PDSS2: variants seen among roughly 807,000 people sequenced by gnomAD.
PDSS2 encodes all trans-polyprenyl-diphosphate synthase PDSS2.
A neutral mutation model predicts 44.5 loss-of-function variants in PDSS2; 31 were observed. The observed-to-expected ratio is 0.70, with a 90% CI of 0.52 to 0.94. The LOEUF (loss-of-function observed/expected upper bound fraction) is 0.94. PDSS2 is among the 40% of genes least tolerant of loss of function. PDSS2 has a pLI of 0.00. For missense variants in PDSS2, 452 were observed against 482.2 expected (o/e 0.94, Z 0.59); for synonymous variants, 157 against 180.3 (o/e 0.87, Z 1.03).
chr6:107,455,854 G>A (rs1782025128), intron 1 of PDSS2, among the ~76,000 whole-genome samples: 1 of 150,438 alleles, frequency 6.6e-6, no homozygotes, highest in Non-Finnish European at 1.5e-5. Flanking sequence ...GTTTATGAGA[G>A]TATAAACTGG....
At chr6:107,359,352 G>A (rs933344318) in intron 1 of PDSS2, among the ~76,000 whole-genome samples, 4 of 151,954 alleles carry the variant, frequency 2.6e-5, no homozygotes, top group Non-Finnish European at 4.4e-5. Context: ...GCCAGGAGCA[G>A]TGTCTCATGC....
At chr6:107,412,195 T>C (rs1780523053) in intron 1 of PDSS2, among the ~76,000 whole-genome samples, 1 of 149,370 alleles carries the variant, frequency 6.7e-6, no homozygotes, top group African/African-American at 2.5e-5. Flanking sequence ...GCAACTGTAC[T>C]TCTTTTTCTG....
intron 3 of PDSS2, among the ~76,000 whole-genome samples, chr6:107,269,798 C>G (rs191686800): frequency 6.6e-6 from 1 of 152,194 alleles, no homozygotes; most frequent in Non-Finnish European, 1.5e-5. Flanking sequence ...TCCTGAGTAG[C>G]TGGAATCACA....
intron 2 of PDSS2, among the ~76,000 whole-genome samples, chr6:107,329,010 T>C (rs189177281): frequency 9.3e-4 from 141 of 152,330 alleles, no homozygotes; most frequent in South Asian, 7.5e-3. Context: ...TCTCCATGTC[T>C]CTGCTTTCCC....
At chr6:107,404,615 G>A (rs548784148) in intron 1 of PDSS2, among the ~76,000 whole-genome samples, 5 of 152,344 alleles carry the variant, frequency 3.3e-5, no homozygotes, top group East Asian at 3.9e-4. Context: ...AAGACAGCAC[G>A]TACAGGGGAA....
At chr6:107,420,515 G>A (rs140235709) in intron 1 of PDSS2, among the ~76,000 whole-genome samples, 1 of 152,190 alleles carries the variant, frequency 6.6e-6, no homozygotes, top group Non-Finnish European at 1.5e-5. Context: ...ATCCAGAAGT[G>A]GATAAATACA....
intron 1 of PDSS2, among the ~76,000 whole-genome samples, chr6:107,422,022 T>C (rs761935639): frequency 4.0e-5 from 6 of 149,464 alleles, no homozygotes; most frequent in Non-Finnish European, 7.4e-5. Context: ...TGTAAGTCAG[T>C]AATTATTTCA....
intron 2 of PDSS2, among the ~76,000 whole-genome samples, chr6:107,280,881 A>G (rs184175707): frequency 6.6e-6 from 1 of 152,310 alleles, no homozygotes; most frequent in Admixed American, 6.5e-5. Context: ...GAGAGGTTAA[A>G]AATATACAGA....
chr6:107,200,157 T>C (rs1157141437), intron 6 of PDSS2, among the ~76,000 whole-genome samples: 1 of 152,166 alleles, frequency 6.6e-6, no homozygotes, highest in Non-Finnish European at 1.5e-5. Context: ...ATTTCAGGGA[T>C]TAAAGGCCTT....
intron 2 of PDSS2, among the ~76,000 whole-genome samples, chr6:107,297,565 A>G (rs557706421): frequency 3.9e-4 from 59 of 151,582 alleles, no homozygotes; most frequent in African/African-American, 1.4e-3. Context: ...GTATTTTAGT[A>G]GAGACTGGGT....
intron 1 of PDSS2, among the ~76,000 whole-genome samples, chr6:107,400,892 G>C (rs1178424573): frequency 1.3e-5 from 2 of 152,182 alleles, no homozygotes; most frequent in Non-Finnish European, 2.9e-5. Flanking sequence ...AATTGCAGAG[G>C]TTGCACAAAC....
intron 1 of PDSS2, among the ~76,000 whole-genome samples, chr6:107,409,154 T>C (rs963903355): frequency 3.3e-5 from 5 of 152,194 alleles, no homozygotes; most frequent in Admixed American, 3.3e-4. Flanking sequence ...GAAGAAAATA[T>C]TAAGCAGCAA....
Position 107,391,654 on chromosome 6 carries a change from G to C in PDSS2, c.297-57322C>G, listed in dbSNP as rs146962126. Among the ~76,000 whole-genome samples the C allele has an allele frequency of 4.2e-3, 636 of 152,124 alleles. 4 individuals are homozygous for C. Among genetic ancestry groups the C allele is most frequent in the African/African-American group, 0.014 (591 of 41,526 alleles). ...ACCCATATTATATTTCCTTTGTGGA[G>C]GGTGGCAAACTAGAATTACTGCCAA... On this transcript the variant is annotated intron_variant, in intron 1 of 7. Coordinates refer to ENST00000369037, the MANE Select transcript of PDSS2 (RefSeq NM_020381.4).
At chr6:107,417,292 A>G (rs1031690991) in intron 1 of PDSS2, among the ~76,000 whole-genome samples, 5 of 152,318 alleles carry the variant, frequency 3.3e-5, no homozygotes, top group African/African-American at 1.2e-4. Context: ...TCTTTCTAAA[A>G]TGATAATGAC....
intron 3 of PDSS2, among the ~76,000 whole-genome samples, chr6:107,252,644 T>C (rs1303625538): frequency 6.6e-6 from 1 of 152,216 alleles, no homozygotes; most frequent in African/African-American, 2.4e-5. Flanking sequence ...AAATTGCAAC[T>C]GAGGCTAGAT....
intron 1 of PDSS2, among the ~76,000 whole-genome samples, chr6:107,390,931 A>G (rs929635984): frequency 6.6e-6 from 1 of 152,026 alleles, no homozygotes; most frequent in Non-Finnish European, 1.5e-5. Flanking sequence ...TTAGTAATAA[A>G]TGAAAAATCT....
In PDSS2 at chr6:107,155,848, G is replaced by T. The variant is rs575340798; in HGVS notation, c.1042-1071C>A. Among the ~76,000 whole-genome samples, 52 of 143,590 alleles carry T rather than the reference G, an allele frequency of 3.6e-4. No homozygotes were observed. The South Asian group carries it at 0.011, about 31-fold the overall frequency. 94.2% of individuals were successfully genotyped at this position (143,590 alleles called of 152,430 possible). A position where few individuals can be genotyped will look rare whatever the true frequency, so the allele number is the denominator to read the frequency against. ...CTGCCTTAGCCTCCCAAAAAGCTGG[G>T]ATTACAGGCATGAGCCACCTTGCCC... is the stretch of plus-strand genomic sequence containing the variant. On this transcript the variant is annotated intron_variant, in intron 7 of 7. Transcript: ENST00000369037.
intron 4 of PDSS2, among the ~76,000 whole-genome samples, chr6:107,220,633 A>T (rs1215313774): frequency 1.3e-5 from 2 of 152,172 alleles, no homozygotes; most frequent in Non-Finnish European, 2.9e-5. Flanking sequence ...TACTGTGATT[A>T]AGACTTTATT....
At chr6:107,284,048 AAAAT>A (rs1022850242) in intron 2 of PDSS2, among the ~76,000 whole-genome samples, 17 of 150,154 alleles carry the variant, frequency 1.1e-4, no homozygotes, top group African/African-American at 1.7e-4. Flanking sequence ...TAATAAAATA[AAAAT>A]AAATAAATAA....
Sources: gnomAD v4.1 joint callset for allele counts (sites outside exome capture counted in the v4.1 genomes callset) on GRCh38, gnomAD v4.1.1 for gene constraint, MANE v1.5 for transcripts, NCBI Gene and HGNC (gene_info 2026-07-23, HGNC 2026-07-21) for gene names.